AVL9: variants seen among roughly 807,000 people sequenced by gnomAD.
AVL9 encodes AVL9 cell migration associated.
Under a neutral mutation model 79.2 loss-of-function variants are expected in AVL9, and 49 were observed. The observed-to-expected ratio is 0.62, with a 90% CI of 0.49 to 0.79. The LOEUF (loss-of-function observed/expected upper bound fraction) is 0.79. Among genes scored for constraint, AVL9 ranks in the 30% least tolerant of loss-of-function variants. AVL9 has a pLI of 0.00. For missense variants in AVL9, 682 were observed against 776.8 expected (o/e 0.88, Z 1.45); for synonymous variants, 299 against 280.6 (o/e 1.07, Z -0.65).
At chr7:32,518,122 G>A (rs114749362) in intron 1 of AVL9, among the ~76,000 whole-genome samples, 2,500 of 152,194 alleles carry the variant, frequency 0.016, 66 homozygotes, top group African/African-American at 0.056. Context: ...GTGAGCCACC[G>A]TGCCAGCCGT....
intron 1 of AVL9, among the ~76,000 whole-genome samples, chr7:32,509,312 A>T (rs1787548078): frequency 1.3e-5 from 2 of 152,116 alleles, no homozygotes; most frequent in African/African-American, 4.8e-5. Context: ...GACCCAAAAA[A>T]ACACAATAAA....
At chr7:32,503,777 G>C (rs148878388) in intron 1 of AVL9, among the ~76,000 whole-genome samples, 2,894 of 151,926 alleles carry the variant, frequency 0.019, 48 homozygotes, top group Middle Eastern at 0.044. Flanking sequence ...CCACCTCCGG[G>C]GTACAAGCAA....
rs17161381 is a variant in AVL9 at position 32,501,865 on chromosome 7, A to G, written c.93+6063A>G. Among the ~76,000 whole-genome samples, 630 of 152,280 alleles carry G rather than the reference A, an allele frequency of 4.1e-3. 7 individuals are homozygous for G. The highest frequency in any genetic ancestry group is 0.015 in the African/African-American group (611 of 41,542). ...GAAGACTGCAGAAGGGCCCTAATCT[A>G]CTAGGGATGGACAACAGAAAGATGC... On this transcript the variant is annotated intron_variant, in intron 1 of 15. Coordinates refer to ENST00000318709, the MANE Select transcript of AVL9 (RefSeq NM_015060.3).
intron 3 of AVL9, 85 bp downstream of exon 3, chr7:32,544,864 G>T: frequency 2.1e-6 from 2 of 946,450 alleles, no homozygotes; most frequent in East Asian, 2.6e-5. Flanking sequence ...TTTCAGTGGT[G>T]CCTGTAATGT....
intron 1 of AVL9, among the ~76,000 whole-genome samples, chr7:32,528,966 C>T (rs565123906): frequency 2.4e-4 from 37 of 152,204 alleles, no homozygotes; most frequent in African/African-American, 7.9e-4. Flanking sequence ...GCCAAGATCG[C>T]GCCACTGCAC....
At chr7:32,578,612 AG>A (rs1384554402) in intron 13 of AVL9, among the ~76,000 whole-genome samples, 10 of 152,158 alleles carry the variant, frequency 6.6e-5, no homozygotes, top group Non-Finnish European at 1.3e-4. Flanking sequence ...GTTCAAGACC[AG>A]CCTGGGCAAC....
chr7:32,546,083 T>TTTTTTTTAA lies in AVL9; in HGVS notation c.300+1304_300+1305insTTTTTTTAA, dbSNP rs1554340432. The stretch of plus-strand genomic sequence containing the variant: ...TTACCTGGAGACTTTTTTTTTTTTT[T>TTTTTTTTAA]AAATATCTGTACCTAGCTTTTCCTC... On this transcript the variant is annotated intron_variant, in intron 3 of 15. Coordinates refer to ENST00000318709, the MANE Select transcript of AVL9 (RefSeq NM_015060.3). 4.8e-5 allele frequency among the ~76,000 whole-genome samples: 7 copies of TTTTTTTTAA among 144,820 alleles called. No homozygotes were observed. In the East Asian group the frequency reaches 8.1e-4, roughly 17 times the overall value.
chr7:32,573,169 G>C, intron 11 of AVL9, 30 bp from the exon 12 acceptor site: 1 of 1,591,864 alleles, frequency 6.3e-7, no homozygotes, highest in South Asian at 1.1e-5. Flanking sequence ...TGAATGCCCA[G>C]ACTCTGACTT....
At position 32,506,856 on chromosome 7, in the gene AVL9, CAACTT is replaced by C. The variant is rs990965242; in HGVS notation, c.93+11056_93+11060del. Among the ~76,000 whole-genome samples, 73 of 152,082 alleles carry C rather than the reference CAACTT, an allele frequency of 4.8e-4. 1 individual carries two copies. Among genetic ancestry groups the C allele is most frequent in the Non-Finnish European group, 1.6e-4 (11 of 68,002 alleles). ...AAACAGAAGAGGAGGGAACATTTCTCAACTTATTTTATGAGGCCAGCATTACATTA... is the reference window on the plus strand; with the variant it reads ...AAACAGAAGAGGAGGGAACATTTCTCATTTTATGAGGCCAGCATTACATTA... On this transcript the variant is annotated intron_variant, in intron 1 of 15. Transcript: ENST00000318709.
chr7:32,579,149 C>CT (rs1470702177), intron 13 of AVL9, among the ~76,000 whole-genome samples: 7 of 149,336 alleles, frequency 4.7e-5, no homozygotes, highest in Non-Finnish European at 1.0e-4. Flanking sequence ...ACTAGGGTCA[C>CT]TTTCTTTGTT....
intron 3 of AVL9, among the ~76,000 whole-genome samples, chr7:32,548,144 C>CTGTCTTTTTTTTT (rs1227025763): frequency 1.7e-5 from 1 of 57,596 alleles, no homozygotes; most frequent in African/African-American, 5.4e-5. Flanking sequence ...TTTGTCATCT[C>CTGTCTTTTTTTTT]TTTTTTCTTT....
intron 1 of AVL9, among the ~76,000 whole-genome samples, chr7:32,541,861 T>A (rs1437085142): frequency 6.6e-6 from 1 of 152,148 alleles, no homozygotes; most frequent in East Asian, 1.9e-4. Context: ...ATTACAGGCA[T>A]GTGCCACCAC....
At chr7:32,575,632 T>A (rs1195827553) in intron 12 of AVL9, among the ~76,000 whole-genome samples, 1 of 152,184 alleles carries the variant, frequency 6.6e-6, no homozygotes, top group East Asian at 1.9e-4. Flanking sequence ...TTTGATTAAT[T>A]AATACTATCC....
intron 1 of AVL9, among the ~76,000 whole-genome samples, chr7:32,523,216 T>A (rs1788245825): frequency 7.2e-6 from 1 of 138,458 alleles, no homozygotes; most frequent in African/African-American, 2.7e-5. Flanking sequence ...AGAAGGATGA[T>A]AGAAATTTGG....
intron 1 of AVL9, among the ~76,000 whole-genome samples, chr7:32,513,602 A>G (rs114528287): frequency 0.011 from 1,658 of 152,308 alleles, 34 homozygotes; most frequent in African/African-American, 0.038. Context: ...GTATTGGTGG[A>G]TGTATTGAAG....
chr7:32,563,033 T>C (rs1310248121), intron 10 of AVL9, among the ~76,000 whole-genome samples: 1 of 152,154 alleles, frequency 6.6e-6, no homozygotes, highest in Non-Finnish European at 1.5e-5. Context: ...GTTTTTGTTG[T>C]GTTTTGTTTT....
At chr7:32,552,826 T>G (rs898931793) in intron 6 of AVL9, among the ~76,000 whole-genome samples, 1 of 152,200 alleles carries the variant, frequency 6.6e-6, no homozygotes, top group African/African-American at 2.4e-5. Context: ...TATTGTTTTT[T>G]CTTTTCTTTG....
chr7:32,573,320 T>G lies in AVL9; in HGVS notation c.1472T>G (p.Val491Gly). The change falls in exon 12 of 16, where the codon GTC (valine) becomes GGC (glycine). Residue 491 changes from valine (V) to glycine (G), a missense_variant. Val to Gly is a moderately radical substitution (Grantham distance 109). Coordinates refer to ENST00000318709, the MANE Select transcript of AVL9 (RefSeq NM_015060.3). Reference protein sequence around the residue: ...VRHVTENRDDVFLDGTGWEGG... With the variant: ...VRHVTENRDDGFLDGTGWEGG... Reference sequence around the variant, plus strand: ...CACGTGACTGAGAATCGGGATGACGTCTTCCTAGATGGCACGGGCTGGGAG... The same window carrying G: ...CACGTGACTGAGAATCGGGATGACGGCTTCCTAGATGGCACGGGCTGGGAG... The G allele has an allele frequency of 6.2e-7, 1 of 1,613,760 alleles. No homozygotes were observed. The highest frequency in any genetic ancestry group is 1.3e-5 in the African/African-American group (1 of 74,906).
intron 10 of AVL9, among the ~76,000 whole-genome samples, chr7:32,566,180 A>ATTTTTTTTT (rs200639479): frequency 1.1e-5 from 1 of 93,878 alleles, no homozygotes; most frequent in Non-Finnish European, 2.0e-5. Context: ...TATTATTATT[A>ATTTTTTTTT]TTTTTTTTTT....
Sources: allele counts gnomAD v4.1 joint callset (sites outside exome capture counted in the v4.1 genomes callset), GRCh38; gene constraint gnomAD v4.1.1; transcripts MANE v1.5; gene names NCBI Gene and HGNC (gene_info 2026-07-23, HGNC 2026-07-21).